RARB: variants seen among roughly 807,000 people sequenced by gnomAD.
RARB encodes retinoic acid receptor beta.
A neutral mutation model predicts 51.9 loss-of-function variants in RARB; 17 were observed. The ratio of observed to expected loss-of-function variants is 0.33; its 90% CI spans 0.22 to 0.49. The LOEUF is 0.49. Ranked by LOEUF, RARB falls within the 20% of genes least tolerant of loss-of-function variation. The pLI, the probability that RARB is intolerant of heterozygous loss-of-function variation, is 0.99. For synonymous variants in RARB, 215 were observed against 195.4 expected (o/e 1.10, Z -0.84); for missense variants, 369 against 550.8 (o/e 0.67, Z 3.30).
chr3:24,969,833 T>G (rs552600390), intron 2 of RARB, among the ~76,000 whole-genome samples: 1 of 152,216 alleles, frequency 6.6e-6, no homozygotes, highest in South Asian at 2.1e-4. Flanking sequence ...CATTACAGTT[T>G]CATTGTTAAA....
intron 3 of RARB, among the ~76,000 whole-genome samples, chr3:25,117,403 T>A (rs904997603): frequency 1.3e-5 from 2 of 152,080 alleles, no homozygotes; most frequent in Non-Finnish European, 2.9e-5. Flanking sequence ...TGTGCACATA[T>A]CCAGAACAGG....
intron 2 of RARB, among the ~76,000 whole-genome samples, chr3:24,898,624 T>C (rs7620738): frequency 0.095 from 14,417 of 152,196 alleles, 1,355 homozygotes; most frequent in East Asian, 0.33. Flanking sequence ...GTGAATACTT[T>C]TTCTTCTACT....
At chr3:25,154,818 T>C (rs779903309) in intron 4 of RARB, among the ~76,000 whole-genome samples, 12 of 152,232 alleles carry the variant, frequency 7.9e-5, no homozygotes, top group Non-Finnish European at 1.3e-4. Context: ...GTGCATCCTG[T>C]GTGCTTTCAT....
intron 2 of RARB, among the ~76,000 whole-genome samples, chr3:25,017,875 G>A (rs971130605): frequency 6.6e-6 from 1 of 152,118 alleles, no homozygotes; most frequent in African/African-American, 2.4e-5. Flanking sequence ...TGGGGCCTTT[G>A]GGAGGTGATT....
intron 2 of RARB, among the ~76,000 whole-genome samples, chr3:25,052,285 T>C (rs1017471110): frequency 1.3e-5 from 2 of 152,200 alleles, no homozygotes; most frequent in African/African-American, 4.8e-5. Context: ...AAGCCTCTAC[T>C]GTTGACCATC....
chr3:24,865,087 A>T (rs1702821995), intron 2 of RARB, among the ~76,000 whole-genome samples: 1 of 152,176 alleles, frequency 6.6e-6, no homozygotes, highest in Non-Finnish European at 1.5e-5. Flanking sequence ...ATTATATGAC[A>T]AGTTCTGAGG....
intron 2 of RARB, among the ~76,000 whole-genome samples, chr3:24,953,582 G>A (rs899215551): frequency 3.9e-5 from 6 of 152,234 alleles, no homozygotes; most frequent in East Asian, 1.9e-4. Flanking sequence ...AATGGTTATC[G>A]TTGCCATAGA....
chr3:24,857,009 C>A lies in RARB; in HGVS notation c.-458-1665C>A, dbSNP rs529195190. ...TTCTCATTATTGAGTTGCTAAGCTGCACCTGATAGTTCACGTTGTGGTCCA... is the reference window on the plus strand; with the variant it reads ...TTCTCATTATTGAGTTGCTAAGCTGAACCTGATAGTTCACGTTGTGGTCCA... On this transcript the variant is annotated intron_variant, in intron 1 of 11. Coordinates refer to the RARB transcript ENST00000383772. 2.0e-5 allele frequency among the ~76,000 whole-genome samples: 3 copies of A among 152,260 alleles called. No homozygotes were observed. In the South Asian group the frequency reaches 6.2e-4, roughly 32 times the overall value.
intron 4 of RARB, among the ~76,000 whole-genome samples, chr3:25,138,335 G>GTTTTT (rs79013652): frequency 7.1e-6 from 1 of 140,704 alleles, no homozygotes. Flanking sequence ...CTATAATTGA[G>GTTTTT]TTTTTTTTTT....
chr3:25,466,746 C>T (rs1480783479), intron 2 of RARB, among the ~76,000 whole-genome samples: 1 of 152,172 alleles, frequency 6.6e-6, no homozygotes, highest in Non-Finnish European at 1.5e-5. Flanking sequence ...ATATTTTAGG[C>T]TTTGAGGGCT....
chr3:25,112,811 C>T (rs1032190119), intron 3 of RARB, among the ~76,000 whole-genome samples: 1 of 152,082 alleles, frequency 6.6e-6, no homozygotes, highest in Admixed American at 6.6e-5. Flanking sequence ...TTTTCCTAAC[C>T]ATCTTGTATA....
At chr3:25,384,058 A>G (rs1217560347) in intron 5 of RARB, among the ~76,000 whole-genome samples, 1 of 152,202 alleles carries the variant, frequency 6.6e-6, no homozygotes, top group African/African-American at 2.4e-5. Context: ...GAAGAAGAAA[A>G]AAACAGAAAC....
At chr3:25,010,552 T>C (rs550983578) in intron 2 of RARB, among the ~76,000 whole-genome samples, 8 of 152,250 alleles carry the variant, frequency 5.3e-5, no homozygotes, top group South Asian at 2.1e-4. Context: ...CAACAGATTA[T>C]TGTAGGGACT....
At chr3:25,449,019 C>T (rs914733291) in intron 1 of RARB, among the ~76,000 whole-genome samples, 1 of 151,940 alleles carries the variant, frequency 6.6e-6, no homozygotes, top group African/African-American at 2.4e-5. Context: ...ATTCTTGTGC[C>T]AAATAAATTT....
At chr3:25,184,967 C>T (rs987540161) in intron 5 of RARB, among the ~76,000 whole-genome samples, 1 of 152,092 alleles carries the variant, frequency 6.6e-6, no homozygotes, top group Non-Finnish European at 1.5e-5. Flanking sequence ...GCTTTGCGGC[C>T]ACAATTCATC....
At position 25,091,211 on chromosome 3, in the gene RARB, A is replaced by AT. The variant is rs1456402578; in HGVS notation, c.-328+31042dup. 5.3e-5 allele frequency among the ~76,000 whole-genome samples: 8 copies of AT among 152,206 alleles called. No individual in the cohort carries two copies. In the South Asian group the frequency reaches 8.3e-4, roughly 16 times the overall value. ...AGATCTGTACAAGTGAGTGAGAGGT[A>AT]TTTTTTTGCAAGATGTACAGAGAAT... On this transcript the variant is annotated intron_variant, in intron 3 of 11. Transcript: ENST00000383772.
At chr3:25,321,070 C>A (rs1023881891) in intron 5 of RARB, among the ~76,000 whole-genome samples, 3 of 152,124 alleles carry the variant, frequency 2.0e-5, no homozygotes, top group Non-Finnish European at 4.4e-5. Flanking sequence ...GTGGTATAAC[C>A]CCGGTGTGGA....
chr3:25,281,958 G>A (rs1703534322), intron 5 of RARB, among the ~76,000 whole-genome samples: 1 of 152,208 alleles, frequency 6.6e-6, no homozygotes. Context: ...AAGGCCCTGG[G>A]CTAGGGGTTC....
intron 5 of RARB, among the ~76,000 whole-genome samples, chr3:25,264,756 A>G (rs1210895390): frequency 6.6e-6 from 1 of 152,170 alleles, no homozygotes; most frequent in Non-Finnish European, 1.5e-5. Flanking sequence ...TTCCTTCTGC[A>G]TGGGTGTATA....
Sources: gnomAD v4.1 joint callset for allele counts (sites outside exome capture counted in the v4.1 genomes callset) on GRCh38, gnomAD v4.1.1 for gene constraint, MANE v1.5 for transcripts, NCBI Gene and HGNC (gene_info 2026-07-23, HGNC 2026-07-21) for gene names.